Variants in XPO4 observed in about 807,000 individuals in gnomAD.
XPO4 encodes the protein exportin 4.
A neutral mutation model predicts 143.0 loss-of-function variants in XPO4; 39 were observed. That is an observed-to-expected ratio of 0.27 (90% CI 0.21 to 0.36). The LOEUF is 0.36. Among genes scored for constraint, XPO4 ranks in the 10% least tolerant of loss-of-function variants. The pLI is 1.00. For synonymous variants in XPO4, 439 were observed against 474.0 expected (o/e 0.93, Z 0.96); for missense variants, 907 against 1,348.0 (o/e 0.67, Z 5.12).
chr13:20,881,932 AC>A (rs1242483419), intron 1 of XPO4, among the ~76,000 whole-genome samples: 2 of 151,278 alleles, frequency 1.3e-5, no homozygotes, highest in Non-Finnish European at 2.9e-5. Context: ...ACAGGGTGAA[AC>A]CCCGTCTCTA....
At chr13:20,797,166 C>G (rs1157336541) in intron 16 of XPO4, 109 bp from the exon 17 acceptor site, 3 of 1,094,002 alleles carry the variant, frequency 2.7e-6, no homozygotes, top group Non-Finnish European at 3.8e-6. Flanking sequence ...GGAGGCAGGA[C>G]AAGCACATAA....
At chr13:20,791,642 C>T (rs574275824) in intron 18 of XPO4, among the ~76,000 whole-genome samples, 17 of 152,172 alleles carry the variant, frequency 1.1e-4, no homozygotes, top group East Asian at 3.9e-4. Flanking sequence ...AAAATAAAAA[C>T]AAACTTGTAT....
intron 9 of XPO4, among the ~76,000 whole-genome samples, chr13:20,816,454 T>C (rs1036486301): frequency 6.6e-6 from 1 of 152,230 alleles, no homozygotes; most frequent in Non-Finnish European, 1.5e-5. Context: ...TTTTTCTAGC[T>C]AGTTCTTAAA....
At chr13:20,882,106 T>C (rs1317122103) in intron 1 of XPO4, among the ~76,000 whole-genome samples, 1 of 73,880 alleles carries the variant, frequency 1.4e-5, no homozygotes, top group Non-Finnish European at 2.6e-5. Context: ...TAAGACTCGG[T>C]CTCAAAAAAA....
At chr13:20,808,982 C>T (rs996105528) in intron 11 of XPO4, 101 bp downstream of exon 11, 36 of 1,311,992 alleles carry the variant, frequency 2.7e-5, no homozygotes, top group Middle Eastern at 2.7e-4. Context: ...TGCTGGGACA[C>T]GGGGTGGGGG....
At chr13:20,883,660 C>G (rs1200123132) in intron 1 of XPO4, among the ~76,000 whole-genome samples, 2 of 152,074 alleles carry the variant, frequency 1.3e-5, no homozygotes, top group East Asian at 3.9e-4. Context: ...AGTTTACCAC[C>G]AAAGTACTCT....
At chr13:20,791,968 G>C (rs1341131484) in intron 18 of XPO4, among the ~76,000 whole-genome samples, 1 of 152,150 alleles carries the variant, frequency 6.6e-6, no homozygotes, top group Non-Finnish European at 1.5e-5. Context: ...TGGTAAGCCT[G>C]GATTCTACCC....
chr13:20,867,625 C>T (rs1208514986), intron 2 of XPO4, among the ~76,000 whole-genome samples: 2 of 152,162 alleles, frequency 1.3e-5, no homozygotes, highest in Non-Finnish European at 2.9e-5. Flanking sequence ...CCACTACAAT[C>T]GAACAACTCT....
intron 3 of XPO4, chr13:20,857,838 T>C (rs956164284): frequency 4.1e-6 from 4 of 985,358 alleles, no homozygotes; most frequent in African/African-American, 1.7e-5. Context: ...TTGACCACTA[T>C]GCTACACTTG....
At chr13:20,790,698 T>A in intron 18 of XPO4, 118 bp from the exon 19 acceptor site, 1 of 776,586 alleles carries the variant, frequency 1.3e-6, no homozygotes, top group Non-Finnish European at 2.1e-6. Flanking sequence ...AATGAGTGAA[T>A]AATAAAGAAT....
chr13:20,815,337 C>T lies in XPO4; in HGVS notation c.1174-5370G>A, dbSNP rs563212544. On this transcript the variant is annotated intron_variant, in intron 9 of 22. Transcript: ENST00000255305. ...CTGGATGGCGATGATGTGTCAATGT[C>T]GTTTCATCAGCTGTAACAATGTACC... is the stretch of plus-strand genomic sequence containing the variant. Among the ~76,000 whole-genome samples the T allele has an allele frequency of 1.6e-4, 24 of 152,212 alleles. No homozygotes were observed. The South Asian group carries it at 2.1e-3, about 13-fold the overall frequency.
At chr13:20,805,858 C>G (rs1851997923) in intron 13 of XPO4, among the ~76,000 whole-genome samples, 1 of 151,726 alleles carries the variant, frequency 6.6e-6, no homozygotes, top group Non-Finnish European at 1.5e-5. Context: ...TTTAGTGAAA[C>G]AAGAAATGTT....
chr13:20,829,388 C>T (rs1034324485), intron 6 of XPO4, among the ~76,000 whole-genome samples: 1 of 151,972 alleles, frequency 6.6e-6, no homozygotes, highest in Non-Finnish European at 1.5e-5. Flanking sequence ...TGTAATATTT[C>T]GTATGCTTAT....
Position 20,861,777 on chromosome 13 carries a change from C to CTT in XPO4, c.317+938_317+939dup, listed in dbSNP as rs71200306. Among the ~76,000 whole-genome samples the CTT allele has an allele frequency of 3.8e-3, 279 of 73,446 alleles. 33 individuals carry two copies. Among genetic ancestry groups the CTT allele is most frequent in the African/African-American group, 9.2e-3 (191 of 20,810 alleles). 48.2% of individuals were successfully genotyped at this position (73,446 alleles called of 152,430 possible). ...TTAATAGAACCTTGCACATTTCTCTCTTTTTTTTTTTTTTTTTTTTTTTTT... is the reference window on the plus strand; with the variant it reads ...TTAATAGAACCTTGCACATTTCTCTCTTTTTTTTTTTTTTTTTTTTTTTTTTT... On this transcript the variant is annotated intron_variant, in intron 3 of 22. Coordinates refer to ENST00000255305, the MANE Select transcript of XPO4 (RefSeq NM_022459.5).
chr13:20,883,957 G>T (rs985360234), intron 1 of XPO4, among the ~76,000 whole-genome samples: 1 of 152,076 alleles, frequency 6.6e-6, no homozygotes, highest in African/African-American at 2.4e-5. Flanking sequence ...GTAGAGATGG[G>T]GTTTCTCCAT....
intron 18 of XPO4, among the ~76,000 whole-genome samples, chr13:20,791,910 T>C (rs1415562115): frequency 6.6e-6 from 1 of 152,210 alleles, no homozygotes; most frequent in Non-Finnish European, 1.5e-5. Context: ...GTTGGAAGAA[T>C]CTCCTGTGTT....
At position 20,783,734 on chromosome 13, in the gene XPO4, A is replaced by C. The variant is rs771407516; in HGVS notation, c.3444T>G (p.Leu1148=). 1 of 1,614,184 alleles carries C rather than the reference A, an allele frequency of 6.2e-7. No homozygotes were observed. Among genetic ancestry groups the C allele is most frequent in the Non-Finnish European group, 8.5e-7 (1 of 1,179,990 alleles). Residue 1148 remains leucine (L), a synonymous_variant, in exon 23 of 23, where the codon CTT becomes CTG. Coordinates refer to ENST00000255305, the MANE Select transcript of XPO4 (RefSeq NM_022459.5). ...AAAGTTCTGTTGTTTATTTTACACA[A>C]AGGAGACCACCAACATTTGCCATAA... is the stretch of plus-strand genomic sequence containing the variant. ...EEFMANVGGL[L]CVK
Position 20,902,712 on chromosome 13 carries a change from T to G in XPO4, c.27A>C (p.Pro9=). ...CGTTCTCCAGCTGAGCGATCACTTC[T>G]GGGGGCCCCAGCGCCGCCGCCATCA... MMAAALGP[P]EVIAQLENAA... is the part of the protein sequence containing the mutation. The change falls in exon 1 of 23, where the codon CCA becomes CCC. Residue 9 remains proline (P), a synonymous_variant. Coordinates refer to ENST00000255305, the MANE Select transcript of XPO4 (RefSeq NM_022459.5). 1 of 1,566,540 alleles carries G rather than the reference T, an allele frequency of 6.4e-7. No individual in the cohort carries two copies. The highest frequency in any genetic ancestry group is 8.7e-7 in the Non-Finnish European group (1 of 1,155,822).
intron 1 of XPO4, among the ~76,000 whole-genome samples, chr13:20,886,565 G>A (rs1224992196): frequency 6.6e-6 from 1 of 151,810 alleles, no homozygotes; most frequent in Admixed American, 6.6e-5. Context: ...GACTGCAGAG[G>A]TCACGCTACT....
Sources: allele counts gnomAD v4.1 joint callset (sites outside exome capture counted in the v4.1 genomes callset), GRCh38; gene constraint gnomAD v4.1.1; transcripts MANE v1.5; gene names NCBI Gene and HGNC (gene_info 2026-07-23, HGNC 2026-07-21).